DSCAM: variants seen among roughly 807,000 people sequenced by gnomAD.
DSCAM encodes the protein cell adhesion molecule DSCAM.
DSCAM carries 47 observed loss-of-function variants against 217.7 expected under a neutral mutation model. The ratio of observed to expected loss-of-function variants is 0.22; its 90% CI spans 0.17 to 0.28. The LOEUF is 0.28. Ranked by LOEUF, DSCAM falls within the 10% of genes least tolerant of loss-of-function variation. DSCAM has a pLI of 1.00. For missense variants in DSCAM, 2,080 were observed against 2,618.3 expected (o/e 0.79, Z 4.49); for synonymous variants, 1,056 against 1,015.3 (o/e 1.04, Z -0.76).
intron 22 of DSCAM, among the ~76,000 whole-genome samples, chr21:40,086,679 A>AT (rs2089536667): frequency 6.6e-6 from 1 of 152,174 alleles, no homozygotes; most frequent in Admixed American, 6.5e-5. Context: ...GGCTCCTATT[A>AT]TTTAAATAAT....
At chr21:40,668,169 C>T (rs2090226117) in intron 3 of DSCAM, among the ~76,000 whole-genome samples, 1 of 152,178 alleles carries the variant, frequency 6.6e-6, no homozygotes, top group Non-Finnish European at 1.5e-5. Context: ...GACTCGTTGC[C>T]TCACTCACTT....
At chr21:40,085,823 G>C (rs932524902) in intron 22 of DSCAM, 58 bp from the exon 23 acceptor site, 56 of 1,368,826 alleles carry the variant, frequency 4.1e-5, no homozygotes, top group Non-Finnish European at 5.3e-5. Context: ...AATTAGCTGA[G>C]GTTGGGGAAA....
chr21:40,280,181 CT>C (rs3988427), intron 10 of DSCAM, among the ~76,000 whole-genome samples: 1,306 of 118,878 alleles, frequency 0.011, 10 homozygotes, highest in Non-Finnish European at 0.013. Flanking sequence ...ATTTTGGTGC[CT>C]TTTTTTTTTT....
chr21:40,346,411 T>C (rs567428829), intron 6 of DSCAM, among the ~76,000 whole-genome samples: 65 of 152,364 alleles, frequency 4.3e-4, no homozygotes, highest in Non-Finnish European at 8.1e-4. Flanking sequence ...TATGGTCTTA[T>C]AATCAAGATA....
intron 11 of DSCAM, among the ~76,000 whole-genome samples, chr21:40,204,154 A>G (rs190276024): frequency 1.1e-4 from 16 of 152,336 alleles, no homozygotes; most frequent in Admixed American, 9.8e-4. Flanking sequence ...GTGTTTTCAA[A>G]GAGATTGCTG....
intron 3 of DSCAM, among the ~76,000 whole-genome samples, chr21:40,419,213 C>T (rs896565359): frequency 7.3e-5 from 11 of 151,454 alleles, no homozygotes; most frequent in African/African-American, 1.9e-4. Context: ...CATCTCCTGA[C>T]CTCATAATCC....
intron 3 of DSCAM, among the ~76,000 whole-genome samples, chr21:40,432,211 AAAATAAATATAT>A (rs1445142718): frequency 4.3e-5 from 2 of 46,794 alleles, no homozygotes; most frequent in Non-Finnish European, 1.2e-4. Flanking sequence ...ATAATAATAA[AAAATAAATATAT>A]AAATAAATAA....
intron 27 of DSCAM, among the ~76,000 whole-genome samples, chr21:40,068,828 A>G (rs1463361678): frequency 1.3e-5 from 2 of 152,150 alleles, no homozygotes; most frequent in African/African-American, 2.4e-5. Flanking sequence ...GCTCATGCCT[A>G]TAATCCCAGC....
intron 16 of DSCAM, among the ~76,000 whole-genome samples, chr21:40,156,287 CAGAGAGAGAGAGAGAGAG>C (rs749781848): frequency 0.08 from 6,058 of 75,840 alleles, 364 homozygotes; most frequent in African/African-American, 0.19. Context: ...CAAACTAAGA[CAGAGAGAGAGAGAGAGAG>C]AGAGAGAGAG....
chr21:40,769,834 G>A (rs2091429246), intron 1 of DSCAM, among the ~76,000 whole-genome samples: 1 of 152,172 alleles, frequency 6.6e-6, no homozygotes, highest in African/African-American at 2.4e-5. Flanking sequence ...ACCCTGGTCT[G>A]TGTTCAGCAA....
intron 1 of DSCAM, among the ~76,000 whole-genome samples, chr21:40,738,155 A>G (rs2091083639): frequency 6.6e-6 from 1 of 152,208 alleles, no homozygotes; most frequent in South Asian, 2.1e-4. Flanking sequence ...TATTTGCTTG[A>G]TATTTTACAT....
intron 32 of DSCAM, among the ~76,000 whole-genome samples, chr21:40,018,620 G>T (rs1446818353): frequency 6.6e-6 from 1 of 152,190 alleles, no homozygotes; most frequent in Non-Finnish European, 1.5e-5. Context: ...GTCCCGGCTG[G>T]ACTGCAGAAT....
intron 3 of DSCAM, among the ~76,000 whole-genome samples, chr21:40,538,366 C>G (rs1048334730): frequency 1.3e-5 from 2 of 152,106 alleles, no homozygotes; most frequent in African/African-American, 4.8e-5. Context: ...CTGTAGGACC[C>G]GGAGCTGTTG....
intron 3 of DSCAM, among the ~76,000 whole-genome samples, chr21:40,668,894 A>T (rs2090235606): frequency 6.6e-6 from 1 of 152,132 alleles, no homozygotes; most frequent in Non-Finnish European, 1.5e-5. Flanking sequence ...AAAAAAACAA[A>T]GAAAAGATAC....
Position 40,754,401 on chromosome 21 carries a change from G to C in DSCAM, c.44-45630C>G, listed in dbSNP as rs80092313. Among the ~76,000 whole-genome samples the C allele has an allele frequency of 3.5e-3, 535 of 152,322 alleles. 2 individuals are homozygous for C. The highest frequency in any genetic ancestry group is 0.012 in the South Asian group (59 of 4,822). On this transcript the variant is annotated intron_variant, in intron 1 of 32. Coordinates refer to ENST00000400454, the MANE Select transcript of DSCAM (RefSeq NM_001389.5). ...AAAAGTAGTTTATGTGAGGTAGTTG[G>C]TTTCAGGAAACACAGGCAGGAAAGG...
Position 40,780,423 on chromosome 21 carries a change from G to GTATATATATATATA in DSCAM, c.43+66182_43+66195dup, listed in dbSNP as rs71186965. Among the ~76,000 whole-genome samples the GTATATATATATATA allele has an allele frequency of 3.0e-3, 167 of 56,378 alleles. 1 individual carries two copies. Among genetic ancestry groups the GTATATATATATATA allele is most frequent in the East Asian group, 8.6e-3 (19 of 2,206 alleles). 37.0% of individuals were successfully genotyped at this position (56,378 alleles called of 152,430 possible). Reference sequence around the variant, plus strand: ...CGTGTGTGTGTGTGTGTGTGTGTGTGTATATATATATATATATATATATAT... The same window carrying GTATATATATATATA: ...CGTGTGTGTGTGTGTGTGTGTGTGTGTATATATATATATATATATATATATATATATATATATAT... On this transcript the variant is annotated intron_variant, in intron 1 of 32. Coordinates refer to ENST00000400454, the MANE Select transcript of DSCAM (RefSeq NM_001389.5).
chr21:40,213,325 G>A (rs547427515), intron 11 of DSCAM, among the ~76,000 whole-genome samples: 4 of 152,184 alleles, frequency 2.6e-5, no homozygotes, highest in Non-Finnish European at 5.9e-5. Flanking sequence ...AGTGAGCCAT[G>A]GGGTGAAGGA....
chr21:40,660,652 A>G (rs1343205476), intron 3 of DSCAM, among the ~76,000 whole-genome samples: 1 of 152,190 alleles, frequency 6.6e-6, no homozygotes, highest in Non-Finnish European at 1.5e-5. Flanking sequence ...AAACATGCAG[A>G]GTATGGTAAC....
At chr21:40,795,945 G>A (rs897943886) in intron 1 of DSCAM, among the ~76,000 whole-genome samples, 1 of 152,160 alleles carries the variant, frequency 6.6e-6, no homozygotes, top group African/African-American at 2.4e-5. Flanking sequence ...GAGGACTAGG[G>A]TGAAGTATGA....
Sources: allele counts gnomAD v4.1 joint callset (sites outside exome capture counted in the v4.1 genomes callset), GRCh38; gene constraint gnomAD v4.1.1; transcripts MANE v1.5; gene names NCBI Gene and HGNC (gene_info 2026-07-23, HGNC 2026-07-21).